Variants in LRG1 observed in about 807,000 individuals in gnomAD.
The protein encoded by LRG1 is leucine rich alpha-2-glycoprotein 1, also known as leucine-rich alpha-2-glycoprotein.
In LRG1, 1 loss-of-function variant was observed where a neutral mutation model predicts 2.4. The observed-to-expected ratio is 0.41, with a 90% CI of 0.15 to 1.95. The LOEUF (loss-of-function observed/expected upper bound fraction) is 1.95. LRG1 is among the 30% of genes most tolerant of loss of function. The pLI is 0.30. For synonymous variants in LRG1, 226 were observed against 210.6 expected, an observed-to-expected ratio of 1.07 and a Z score of -0.63; for missense variants, 425 against 436.9, an observed-to-expected ratio of 0.97 and a Z score of 0.24.
intron 1 of LRG1, chr19:4,539,191 A>G: frequency 2.8e-6 from 1 of 362,468 alleles, no homozygotes; most frequent in Non-Finnish European, 4.9e-6. Flanking sequence ...AATTCTAGGA[A>G]AGTTGAGTTT....
At position 4,538,175 on chromosome 19, in the gene LRG1, T is replaced by A. The variant is rs145196834; in HGVS notation, c.809A>T (p.Asn270Ile). 195 of 1,613,916 alleles carry A rather than the reference T, an allele frequency of 1.2e-4. No homozygotes were observed. In the African/African-American group the frequency reaches 2.4e-3, roughly 20 times the overall value. ...RQLDMLDLSN[N>I]SLASVPEGLW... ...CCCCTCGGGCACGCTGGCCAGTGAGTTATTGGAGAGGTCCAGCATGTCCAG... is the reference window on the plus strand; with the variant it reads ...CCCCTCGGGCACGCTGGCCAGTGAGATATTGGAGAGGTCCAGCATGTCCAG... The change falls in exon 2 of 2, where the codon AAC becomes ATC. Residue 270 changes from asparagine to isoleucine, a missense_variant. Physicochemically the swap from Asn to Ile is moderately radical, Grantham distance 149. Transcript: ENST00000306390.
chr19:4,539,189 G>A, intron 1 of LRG1: 1 of 366,574 alleles, frequency 2.7e-6, no homozygotes, highest in Admixed American at 4.2e-5. Context: ...ATAATTCTAG[G>A]AAAGTTGAGT....
Position 4,538,333 on chromosome 19 carries a change from T to G in LRG1, c.651A>C (p.Leu217=). The part of the protein sequence containing the change: ...LLRGPLQLER[L]HLEGNKLQVL... ...CTTGCAATTTGTTGCCTTCTAGATG[T>G]AGCCGTTCTAATTGCAGCGGACCCC... is the stretch of plus-strand genomic sequence containing the variant. The change falls in exon 2 of 2, where the codon CTA becomes CTC. Residue 217 remains leucine (L), a synonymous_variant. Coordinates refer to ENST00000306390, the MANE Select transcript of LRG1 (RefSeq NM_052972.3). 1 of 1,614,224 alleles carries G rather than the reference T, an allele frequency of 6.2e-7. No homozygotes were observed.
At chr19:4,539,950 A>C in intron 1 of LRG1, 32 bp downstream of exon 1, 15 of 1,614,050 alleles carry the variant, frequency 9.3e-6, no homozygotes, top group Non-Finnish European at 1.3e-5. Flanking sequence ...TGGCGTTCAA[A>C]CCTGCCTAGG....
rs116298910 is a variant in LRG1 at position 4,538,243 on chromosome 19, C to T, written c.741G>A (p.Lys247=). The T allele has an allele frequency of 0.018, 29,742 of 1,614,066 alleles. 387 individuals are homozygous for T. Among genetic ancestry groups the T allele is most frequent in the South Asian group, 0.037 (3,376 of 91,086 alleles). ...AGGCACCGGCTGCCACCCTGGCCAG[C>T]TTGTTGCCGTTCAGGAAGAGGTAGC... ...DLRYLFLNGN[K]LARVAAGAFQ... is the part of the protein sequence containing the mutation. The change falls in exon 2 of 2, where the codon AAG becomes AAA. Residue 247 remains lysine, a synonymous_variant. Transcript: ENST00000306390.
In LRG1 at chr19:4,536,729, G is replaced by T. The variant is rs1042785737; in HGVS notation, c.*1211C>A. Reference sequence around the variant, plus strand: ...AGGCTGCATGGTCATTTTTTAGGGAGCTGGGAAAACTGGACATGCCCCCAA... The same window carrying T: ...AGGCTGCATGGTCATTTTTTAGGGATCTGGGAAAACTGGACATGCCCCCAA... On this transcript the variant is annotated 3_prime_UTR_variant, in exon 2 of 2. Transcript: ENST00000306390. The T allele has an allele frequency of 6.6e-6, 1 of 152,294 alleles. No homozygotes were observed. Among genetic ancestry groups the T allele is most frequent in the Non-Finnish European group, 1.5e-5 (1 of 68,142 alleles). 9.4% of individuals were successfully genotyped at this position (152,294 alleles called of 1,614,324 possible). A position where few individuals can be genotyped will look rare whatever the true frequency, so the allele number is the denominator to read the frequency against.
rs1976976080 is a variant in LRG1 at position 4,538,590 on chromosome 19, G to A, written c.394C>T (p.Pro132Ser). 1.2e-6 allele frequency: 2 copies of A among 1,613,032 alleles called. No individual in the cohort carries two copies. Among genetic ancestry groups the A allele is most frequent in the South Asian group, 1.1e-5 (1 of 91,078 alleles). Reference protein sequence around the residue: ...DLTRNALTGLPPGLFQASATL... With the variant: ...DLTRNALTGLSPGLFQASATL... The stretch of plus-strand genomic sequence containing the variant: ...GCTGAGGCCTGGAAGAGGCCCGGGG[G>A]CAGCCCGGTCAGGGCGTTTCGGGTT... The change falls in exon 2 of 2, where the codon CCC becomes TCC. Residue 132 changes from proline (P) to serine (S), a missense_variant. Transcript: ENST00000306390.
chr19:4,539,854 G>A (rs532016129), intron 1 of LRG1, 128 bp downstream of exon 1: 9 of 1,072,996 alleles, frequency 8.4e-6, no homozygotes, highest in Middle Eastern at 2.0e-4. Context: ...TCACAGATAA[G>A]GTTGATCTGT....
intron 1 of LRG1, 35 bp from the exon 2 acceptor site, chr19:4,538,986 C>A (rs1976983286): frequency 4.7e-6 from 7 of 1,482,216 alleles, no homozygotes; most frequent in Non-Finnish European, 6.3e-6. Flanking sequence ...TACTAAACCA[C>A]AGTGAAAATA....
intron 1 of LRG1, among the ~76,000 whole-genome samples, 195 bp downstream of exon 1, chr19:4,539,787 A>G (rs576768113): frequency 1.3e-5 from 2 of 152,092 alleles, no homozygotes; most frequent in East Asian, 3.9e-4. Context: ...CCTGCTGCCC[A>G]TGCCCACCTG....
rs753381642 is a variant in LRG1, at chr19:4,538,577, A to T, written c.407T>A (p.Phe136Tyr). ...GGTGTCCAGGGTGGCTGAGGCCTGG[A>T]AGAGGCCCGGGGGCAGCCCGGTCAG... ...NALTGLPPGL[F>Y]QASATLDTLV... is the part of the protein sequence containing the mutation. The change falls in exon 2 of 2, where the codon TTC (phenylalanine) becomes TAC (tyrosine). Residue 136 changes from phenylalanine (F) to tyrosine (Y), a missense_variant. By Grantham distance (22) the Phe-to-Tyr change is conservative. Coordinates refer to ENST00000306390, the MANE Select transcript of LRG1 (RefSeq NM_052972.3). 13 of 1,613,308 alleles carry T rather than the reference A, an allele frequency of 8.1e-6. No homozygotes were observed. The highest frequency in any genetic ancestry group is 1.1e-5 in the Non-Finnish European group (13 of 1,179,814).
chr19:4,538,988 G>T (rs1193662312), intron 1 of LRG1, 37 bp from the exon 2 acceptor site: 1 of 1,478,948 alleles, frequency 6.8e-7, no homozygotes, highest in Admixed American at 2.4e-5. Context: ...CTAAACCACA[G>T]TGAAAATACA....
Position 4,538,878 on chromosome 19 carries a change from C to A in LRG1, c.106G>T (p.Val36Phe), listed in dbSNP as rs750518196. 5.9e-6 allele frequency: 9 copies of A among 1,530,212 alleles called. No individual in the cohort carries two copies. In the Admixed American group the frequency reaches 1.9e-4, roughly 32 times the overall value. The allele number at this position is 1,530,212 out of a possible 1,614,324, so 94.8% of individuals were successfully genotyped here. ...TGGCAGTCTTTGGGGCTCAGGGTGACCCCCCAGGCTGAGGCTGCCAACAGC... is the reference window on the plus strand; with the variant it reads ...TGGCAGTCTTTGGGGCTCAGGGTGAACCCCCAGGCTGAGGCTGCCAACAGC... ...LLLLAASAWGVTLSPKDCQVF... is the reference protein window; with the variant it reads ...LLLLAASAWGFTLSPKDCQVF... Residue 36 changes from valine to phenylalanine, a missense_variant, in exon 2 of 2, where the codon GTC becomes TTC. Transcript: ENST00000306390.
rs1976951942 is a variant in LRG1 at position 4,536,871 on chromosome 19, G to A, written c.*1069C>T. 1.5e-5 allele frequency: 2 copies of A among 135,594 alleles called. No individual in the cohort carries two copies. Among genetic ancestry groups the A allele is most frequent in the African/African-American group, 7.8e-5 (2 of 25,804 alleles). The allele number at this position is 135,594 out of a possible 1,614,324, so 8.4% of individuals were successfully genotyped here. On this transcript the variant is annotated 3_prime_UTR_variant, in exon 2 of 2. Coordinates refer to ENST00000306390, the MANE Select transcript of LRG1 (RefSeq NM_052972.3). Reference sequence around the variant, plus strand: ...CATCCTGCCCCTGCAACCTTGCCCGGGGGCAGGTGCCCCCTTCGATGATCT... The same window carrying A: ...CATCCTGCCCCTGCAACCTTGCCCGAGGGCAGGTGCCCCCTTCGATGATCT...
intron 1 of LRG1, 104 bp from the exon 2 acceptor site, chr19:4,539,055 T>C (rs1976984166): frequency 8.4e-7 from 1 of 1,189,796 alleles, no homozygotes. Context: ...TCTCTGCGGC[T>C]ACCAGCCTGG....
Position 4,538,108 on chromosome 19 carries a change from A to G in LRG1, c.876T>C (p.Asp292=). Residue 292 remains aspartate, a synonymous_variant, in exon 2 of 2, where the codon GAT becomes GAC. Transcript: ENST00000306390. ...SLGQPNWDMR[D]GFDISGNPWI... is the part of the protein sequence containing the mutation. ...AGGGGTTGCCGGAGATGTCGAAGCCATCCCGCATGTCCCAGTTTGGCTGCC... is the reference window on the plus strand; with the variant it reads ...AGGGGTTGCCGGAGATGTCGAAGCCGTCCCGCATGTCCCAGTTTGGCTGCC... 1 of 1,614,164 alleles carries G rather than the reference A, an allele frequency of 6.2e-7. No homozygotes were observed. The highest frequency in any genetic ancestry group is 8.5e-7 in the Non-Finnish European group (1 of 1,180,038).
At position 4,539,335 on chromosome 19, in the gene LRG1, C is replaced by T. The variant is rs542393299; in HGVS notation, c.33-384G>A. On this transcript the variant is annotated intron_variant, in intron 1 of 1. Coordinates refer to ENST00000306390, the MANE Select transcript of LRG1 (RefSeq NM_052972.3). ...TATTTTCTGGGTCAGTCCTTGTCTC[C>T]CTGGCTCTGTGTTTTGATGTGAACT... Among the ~76,000 whole-genome samples, 3 of 152,330 alleles carry T rather than the reference C, an allele frequency of 2.0e-5. No homozygotes were observed. The East Asian group carries it at 5.8e-4, about 29-fold the overall frequency.
chr19:4,539,015 T>A, intron 1 of LRG1, 64 bp from the exon 2 acceptor site: 1 of 1,427,848 alleles, frequency 7.0e-7, no homozygotes, highest in Admixed American at 2.5e-5. Flanking sequence ...TAGGTGAAAA[T>A]ACACCAGCAA....
Position 4,537,761 on chromosome 19 carries a change from G to A in LRG1, c.*179C>T, listed in dbSNP as rs1976960969. 1.5e-6 allele frequency: 1 copy of A among 656,178 alleles called. No homozygotes were observed. The highest frequency in any genetic ancestry group is 3.1e-5 in the Admixed American group (1 of 32,622). 40.6% of individuals were successfully genotyped at this position (656,178 alleles called of 1,614,324 possible). A position where few individuals can be genotyped will look rare whatever the true frequency, so the allele number is the denominator to read the frequency against. On this transcript the variant is annotated 3_prime_UTR_variant, in exon 2 of 2. Transcript: ENST00000306390. ...TTTTTATATTTTTAGTAGAGACAGGGTTTCACCATGTTAGCCAAGATGGTC... is the reference window on the plus strand; with the variant it reads ...TTTTTATATTTTTAGTAGAGACAGGATTTCACCATGTTAGCCAAGATGGTC...
Sources: allele counts gnomAD v4.1 joint callset (sites outside exome capture counted in the v4.1 genomes callset), GRCh38; gene constraint gnomAD v4.1.1; transcripts MANE v1.5; gene names NCBI Gene and HGNC (gene_info 2026-07-23, HGNC 2026-07-21).